The following EYA4 variants were observed in gnomAD, a reference collection of about 807,000 sequenced individuals.
EYA4 encodes the protein protein phosphatase EYA4.
Under a neutral mutation model 87.9 loss-of-function variants are expected in EYA4, and 31 were observed. That is an observed-to-expected ratio of 0.35 (90% CI 0.27 to 0.48). The LOEUF is 0.48. Among genes scored for constraint, EYA4 ranks in the 20% least tolerant of loss-of-function variants. The probability of loss-of-function intolerance (pLI) is 0.99; values close to 1 mark genes in which losing one functional copy is unlikely to be tolerated. For synonymous variants in EYA4, 263 were observed against 270.6 expected (o/e 0.97, Z 0.28); for missense variants, 678 against 761.4 (o/e 0.89, Z 1.29).
At chr6:133,337,893 G>A (rs955754245) in intron 2 of EYA4, among the ~76,000 whole-genome samples, 2 of 152,160 alleles carry the variant, frequency 1.3e-5, no homozygotes, top group African/African-American at 4.8e-5. Flanking sequence ...CATGTATTCA[G>A]AACCTGGAGA....
intron 2 of EYA4, among the ~76,000 whole-genome samples, chr6:133,324,744 T>C (rs987568323): frequency 5.3e-5 from 8 of 152,056 alleles, no homozygotes; most frequent in Non-Finnish European, 2.9e-5. Flanking sequence ...GAAGGTTGCA[T>C]GAACTTCATC....
chr6:133,404,147 G>A (rs1288967434), intron 3 of EYA4, among the ~76,000 whole-genome samples: 1 of 152,108 alleles, frequency 6.6e-6, no homozygotes, highest in African/African-American at 2.4e-5. Context: ...AGTGTCTCAG[G>A]AATTTAAGCC....
At chr6:133,265,185 A>G (rs1209343243) in intron 1 of EYA4, among the ~76,000 whole-genome samples, 1 of 152,142 alleles carries the variant, frequency 6.6e-6, no homozygotes, top group African/African-American at 2.4e-5. Flanking sequence ...AAAGAAAAAG[A>G]TATGATGAAT....
chr6:133,415,697 G>C lies in EYA4; in HGVS notation c.84-30933G>C, dbSNP rs937068090. ...TAGTTATTAAAGATGTGGGGTTAAGGAGTTCCAACTCCTCTGTGCACTTTT... is the reference window on the plus strand; with the variant it reads ...TAGTTATTAAAGATGTGGGGTTAAGCAGTTCCAACTCCTCTGTGCACTTTT... On this transcript the variant is annotated intron_variant, in intron 3 of 19. Coordinates refer to ENST00000355286, the MANE Select transcript of EYA4 (RefSeq NM_004100.5). Among the ~76,000 whole-genome samples, 6 of 152,170 alleles carry C rather than the reference G, an allele frequency of 3.9e-5. No homozygotes were observed. The East Asian group carries it at 1.2e-3, about 29-fold the overall frequency.
chr6:133,331,027 G>GTTTTTT (rs71636692), intron 2 of EYA4, among the ~76,000 whole-genome samples: 5 of 113,700 alleles, frequency 4.4e-5, no homozygotes, highest in Admixed American at 9.8e-5. Flanking sequence ...AACCAAACGG[G>GTTTTTT]TTTTTTTTTT....
intron 3 of EYA4, among the ~76,000 whole-genome samples, chr6:133,400,808 A>C (rs139266896): frequency 1.3e-5 from 2 of 152,130 alleles, no homozygotes; most frequent in East Asian, 3.9e-4. Flanking sequence ...CTGCTTTTTT[A>C]TGTTAAATTG....
intron 3 of EYA4, among the ~76,000 whole-genome samples, chr6:133,414,149 C>A (rs1304808686): frequency 1.3e-5 from 2 of 152,114 alleles, no homozygotes; most frequent in Non-Finnish European, 2.9e-5. Context: ...CATGTAAGAC[C>A]CCCATGGTGT....
intron 17 of EYA4, among the ~76,000 whole-genome samples, chr6:133,518,442 T>C (rs1387927645): frequency 6.6e-6 from 1 of 152,136 alleles, no homozygotes; most frequent in Admixed American, 6.5e-5. Context: ...CCATTACTTT[T>C]AATGGCAAAA....
At chr6:133,385,520 G>C (rs1476374126) in intron 3 of EYA4, among the ~76,000 whole-genome samples, 8 of 150,542 alleles carry the variant, frequency 5.3e-5, no homozygotes, top group Non-Finnish European at 1.5e-5. Context: ...ATCAAATAAA[G>C]AATTGAACTC....
At chr6:133,324,044 AT>A (rs1210764166) in intron 2 of EYA4, among the ~76,000 whole-genome samples, 1 of 152,094 alleles carries the variant, frequency 6.6e-6, no homozygotes, top group Non-Finnish European at 1.5e-5. Flanking sequence ...AGTATTATTG[AT>A]TTCTTCTTCT....
At chr6:133,468,387 T>C (rs1795030535) in intron 10 of EYA4, among the ~76,000 whole-genome samples, 179 bp from the exon 11 acceptor site, 1 of 152,080 alleles carries the variant, frequency 6.6e-6, no homozygotes, top group African/African-American at 2.4e-5. Context: ...CACTACTATA[T>C]GTTTGTAAGA....
intron 3 of EYA4, among the ~76,000 whole-genome samples, chr6:133,397,771 G>A (rs746144781): frequency 6.6e-5 from 10 of 152,164 alleles, no homozygotes; most frequent in South Asian, 6.2e-4. Context: ...CAATTATGGC[G>A]GAAGGCAAAA....
At position 133,531,489 on chromosome 6, in the gene EYA4, G is replaced by A. The variant is rs1801007125; in HGVS notation, c.*2684G>A. Reference sequence around the variant, plus strand: ...CTTATTGTAAACCAGTTTGAAAAATGTTCTGTAACTAAAGTGGGTTTTCGG... The same window carrying A: ...CTTATTGTAAACCAGTTTGAAAAATATTCTGTAACTAAAGTGGGTTTTCGG... On this transcript the variant is annotated 3_prime_UTR_variant, in exon 20 of 20. Coordinates refer to ENST00000355286, the MANE Select transcript of EYA4 (RefSeq NM_004100.5). 7 of 461,568 alleles carry A rather than the reference G, an allele frequency of 1.5e-5. No homozygotes were observed. In the South Asian group the frequency reaches 2.4e-4, roughly 16 times the overall value. 28.6% of individuals were successfully genotyped at this position (461,568 alleles called of 1,614,324 possible).
At chr6:133,509,058 C>A (rs1015723139) in intron 14 of EYA4, among the ~76,000 whole-genome samples, 3 of 152,096 alleles carry the variant, frequency 2.0e-5, no homozygotes, top group Non-Finnish European at 2.9e-5. Flanking sequence ...CTTGCACATC[C>A]AGATAAAGTG....
intron 11 of EYA4, among the ~76,000 whole-genome samples, chr6:133,478,406 A>G (rs1409473371): frequency 6.6e-6 from 1 of 151,882 alleles, no homozygotes; most frequent in African/African-American, 2.4e-5. Flanking sequence ...AATAACCCAA[A>G]TGTCCATCAA....
At chr6:133,270,355 C>T (rs1776587279) in intron 1 of EYA4, among the ~76,000 whole-genome samples, 1 of 152,144 alleles carries the variant, frequency 6.6e-6, no homozygotes, top group Admixed American at 6.5e-5. Context: ...CAATCCCCAA[C>T]CCAAATACTA....
intron 2 of EYA4, among the ~76,000 whole-genome samples, chr6:133,288,548 C>A (rs572557819): frequency 7.8e-4 from 118 of 152,184 alleles, no homozygotes; most frequent in Non-Finnish European, 1.5e-3. Flanking sequence ...CTTTTGAGAA[C>A]ATGTTAAACT....
chr6:133,483,698 G>GTTATTATTA (rs71545064), intron 13 of EYA4, among the ~76,000 whole-genome samples: 2,960 of 134,352 alleles, frequency 0.022, 41 homozygotes, highest in South Asian at 0.042. Flanking sequence ...TTATTTCATT[G>GTTATTATTA]TTATTATTAT....
At chr6:133,293,572 C>T (rs562693236) in intron 2 of EYA4, among the ~76,000 whole-genome samples, 26 of 152,206 alleles carry the variant, frequency 1.7e-4, no homozygotes, top group African/African-American at 5.8e-4. Context: ...CCTCTTTCCT[C>T]GTCTATAACC....
Sources: allele counts gnomAD v4.1 joint callset (sites outside exome capture counted in the v4.1 genomes callset), GRCh38; gene constraint gnomAD v4.1.1; transcripts MANE v1.5; gene names NCBI Gene and HGNC (gene_info 2026-07-23, HGNC 2026-07-21).